Variants in ZFAT observed in about 807,000 individuals in gnomAD.
ZFAT encodes zinc finger and AT-hook domain containing.
A neutral mutation model predicts 117.7 loss-of-function variants in ZFAT; 64 were observed. The observed-to-expected ratio is 0.54, with a 90% CI of 0.44 to 0.67. The LOEUF is 0.67. Among genes scored for constraint, ZFAT ranks in the 30% least tolerant of loss-of-function variants. The pLI is 0.00. For missense variants in ZFAT, 1,433 were observed against 1,584.5 expected, an observed-to-expected ratio of 0.90 and a Z score of 1.62; for synonymous variants, 679 against 615.0, an observed-to-expected ratio of 1.10 and a Z score of -1.54.
intron 11 of ZFAT, among the ~76,000 whole-genome samples, chr8:134,559,866 G>A (rs961764724): frequency 1.3e-5 from 2 of 151,872 alleles, no homozygotes; most frequent in African/African-American, 4.8e-5. Context: ...TTTCAACTGG[G>A]TTACTGGTAG....
At chr8:134,781,486 C>A in the ZFAT span, among the ~76,000 whole-genome samples, 4 of 152,100 alleles carry the variant, frequency 2.6e-5, no homozygotes, top group South Asian at 8.3e-4. Flanking sequence ...AAATGTAATA[C>A]CCTTAAAGTC....
At chr8:134,644,181 C>T (rs984780002) in intron 2 of ZFAT, among the ~76,000 whole-genome samples, 2 of 152,124 alleles carry the variant, frequency 1.3e-5, no homozygotes, top group Non-Finnish European at 2.9e-5. Context: ...CCTGTGGGCC[C>T]CTCCTGCAGC....
At chr8:134,482,432 C>T (rs1817382299) in intron 15 of ZFAT, among the ~76,000 whole-genome samples, 1 of 152,172 alleles carries the variant, frequency 6.6e-6, no homozygotes. Context: ...CAAAGGAAGG[C>T]ACAAAAGGTT....
At chr8:134,547,869 G>A (rs1822816747) in intron 11 of ZFAT, among the ~76,000 whole-genome samples, 1 of 152,164 alleles carries the variant, frequency 6.6e-6, no homozygotes, top group South Asian at 2.1e-4. Context: ...ACCATGCTTG[G>A]TTATCCTGGG....
At chr8:134,632,385 C>A (rs1441963259) in intron 3 of ZFAT, among the ~76,000 whole-genome samples, 1 of 152,158 alleles carries the variant, frequency 6.6e-6, no homozygotes, top group Non-Finnish European at 1.5e-5. Flanking sequence ...TAGATTATTA[C>A]TAGTTAAGTT....
chr8:134,496,546 C>T (rs925160356), intron 15 of ZFAT, among the ~76,000 whole-genome samples: 2 of 152,232 alleles, frequency 1.3e-5, no homozygotes, highest in Non-Finnish European at 1.5e-5. Context: ...ACACCCAGGG[C>T]AACTGGGCCC....
chr8:134,778,335 A>G, the ZFAT span, among the ~76,000 whole-genome samples: 1 of 152,214 alleles, frequency 6.6e-6, no homozygotes, highest in Non-Finnish European at 1.5e-5. Flanking sequence ...CGATGACTGC[A>G]TTCTGGGAAG....
chr8:134,519,920 T>C (rs1414143911), intron 13 of ZFAT, among the ~76,000 whole-genome samples: 1 of 152,258 alleles, frequency 6.6e-6, no homozygotes, highest in Non-Finnish European at 1.5e-5. Flanking sequence ...TCTGCATCTA[T>C]GAAGGTGACT....
chr8:134,653,270 T>TTAAAAAAAAAAAA (rs1554615159), intron 2 of ZFAT, among the ~76,000 whole-genome samples: 1 of 91,888 alleles, frequency 1.1e-5, no homozygotes, highest in Non-Finnish European at 2.1e-5. Context: ...ATGTCTTTTT[T>TTAAAAAAAAAAAA]AAAAAAAAAA....
At chr8:134,680,479 C>A (rs542530920) in intron 1 of ZFAT, among the ~76,000 whole-genome samples, 2 of 152,074 alleles carry the variant, frequency 1.3e-5, no homozygotes, top group Admixed American at 1.3e-4. Context: ...TATTTGAGTA[C>A]CTTTTTTAAA....
chr8:134,674,901 G>A (rs1386458145), intron 1 of ZFAT: 1 of 160,342 alleles, frequency 6.2e-6, no homozygotes, highest in African/African-American at 2.4e-5. Flanking sequence ...GCAGCAGAGG[G>A]GCCTGACTGT....
chr8:134,721,072 C>G, the ZFAT span, among the ~76,000 whole-genome samples: 3 of 152,200 alleles, frequency 2.0e-5, no homozygotes, highest in African/African-American at 4.8e-5. Flanking sequence ...TGCTGTGGCT[C>G]TATCATCCAC....
intron 13 of ZFAT, among the ~76,000 whole-genome samples, chr8:134,520,205 A>C (rs896569056): frequency 2.0e-5 from 3 of 152,122 alleles, no homozygotes; most frequent in Non-Finnish European, 4.4e-5. Context: ...TGATGCTACT[A>C]GTAACTTAGT....
At chr8:134,679,242 G>GA (rs1330290892) in intron 1 of ZFAT, among the ~76,000 whole-genome samples, 3 of 151,994 alleles carry the variant, frequency 2.0e-5, no homozygotes, top group African/African-American at 7.2e-5. Context: ...AAGTTTACAA[G>GA]AAAAAAACAA....
chr8:134,637,508 T>G lies in ZFAT; in HGVS notation c.401A>C (p.His134Pro), dbSNP rs1830290092. The G allele has an allele frequency of 6.2e-7, 1 of 1,613,944 alleles. No individual in the cohort carries two copies. Among genetic ancestry groups the G allele is most frequent in the Non-Finnish European group, 8.5e-7 (1 of 1,179,898 alleles). Residue 134 changes from histidine (H) to proline (P), a missense_variant, in exon 3 of 16, where the codon CAC becomes CCC. Around this residue, in one of 5 missense-constraint regions of ZFAT, gnomAD observed 436 missense variants for 482.0 expected, o/e 0.90. Coordinates refer to ENST00000377838, the MANE Select transcript of ZFAT (RefSeq NM_020863.4). ...CAAATTCAGCACGATAATGCAGATG[T>G]GCTTCCGCAGCTGGCGCGTGTTGGA... The part of the protein sequence containing the change: ...KFSNTRQLRK[H>P]ICIIVLNLGE...
At chr8:134,739,583 GA>G in the ZFAT span, among the ~76,000 whole-genome samples, 3 of 152,140 alleles carry the variant, frequency 2.0e-5, no homozygotes, top group African/African-American at 7.2e-5. Context: ...CTTCTGGGAT[GA>G]AAAATACCAC....
At chr8:134,713,916 CAG>C (rs1814144526), upstream of ZFAT, among the ~76,000 whole-genome samples, 3 of 151,842 alleles carry the variant, frequency 2.0e-5, no homozygotes, top group Middle Eastern at 6.8e-3. Flanking sequence ...CCGTTAGCCT[CAG>C]AAACAAACTG....
Position 134,572,019 on chromosome 8 carries a change from C to T in ZFAT, c.2888-6598G>A, listed in dbSNP as rs1488834607. The stretch of plus-strand genomic sequence containing the variant: ...CAAAGTTTACATGCAAGAAAGAAGC[C>T]CCTGCCACATAAGTTAAAATAATGG... On this transcript the variant is annotated intron_variant, in intron 10 of 15. Coordinates refer to ENST00000377838, the MANE Select transcript of ZFAT (RefSeq NM_020863.4). Among the ~76,000 whole-genome samples the T allele has an allele frequency of 2.0e-5, 3 of 152,020 alleles. No homozygotes were observed. In the South Asian group the frequency reaches 6.2e-4, roughly 32 times the overall value.
At chr8:134,521,624 C>T (rs780101027) in intron 12 of ZFAT, among the ~76,000 whole-genome samples, 5 of 151,834 alleles carry the variant, frequency 3.3e-5, no homozygotes, top group Non-Finnish European at 7.4e-5. Flanking sequence ...ATGTACAACT[C>T]TAGGTTTAAA....
Sources: allele counts gnomAD v4.1 joint callset (sites outside exome capture counted in the v4.1 genomes callset), GRCh38; gene constraint gnomAD v4.1.1; regional missense constraint gnomAD v4.1.1; transcripts MANE v1.5; gene names NCBI Gene and HGNC (gene_info 2026-07-23, HGNC 2026-07-21).